The following YARS1 variants were observed in gnomAD, a reference collection of about 807,000 sequenced individuals.
The protein encoded by YARS1 is tyrosyl-tRNA synthetase 1, also known as tyrosine--tRNA ligase, cytoplasmic.
In YARS1, 36 loss-of-function variants were observed where a neutral mutation model predicts 62.2. The ratio of observed to expected loss-of-function variants is 0.58; its 90% confidence interval spans 0.44 to 0.76. YARS1 has a LOEUF of 0.76. Ranked by LOEUF, YARS1 falls within the 30% of genes least tolerant of loss-of-function variation. The pLI is 0.00. For synonymous variants in YARS1, 234 were observed against 244.9 expected, an observed-to-expected ratio of 0.96 and a Z score of 0.42; for missense variants, 524 against 639.8, an observed-to-expected ratio of 0.82 and a Z score of 1.95.
In YARS1 at chr1:32,810,938, A is replaced by G. The variant is rs1240096439; in HGVS notation, c.177T>C (p.Ile59=). ...CACACCCTGCCTTTAAGAAGTCTGC[A>G]ATCTTTGACATGGGCACAAAGTAAG... The part of the protein sequence containing the change: ...HVAYFVPMSK[I]ADFLKAGCEV... The change falls in exon 2 of 13, where the codon ATT becomes ATC. Residue 59 remains isoleucine, a synonymous_variant. Coordinates refer to ENST00000373477, the MANE Select transcript of YARS1 (RefSeq NM_003680.4). 2 of 1,614,124 alleles carry G rather than the reference A, an allele frequency of 1.2e-6. No homozygotes were observed. The highest frequency in any genetic ancestry group is 8.5e-7 in the Non-Finnish European group (1 of 1,180,020).
chr1:32,798,884 G>A (rs1653689467), intron 4 of YARS1, among the ~76,000 whole-genome samples: 1 of 152,106 alleles, frequency 6.6e-6, no homozygotes. Flanking sequence ...TGACATGCCA[G>A]GCCTGCTGCC....
intron 4 of YARS1, among the ~76,000 whole-genome samples, chr1:32,804,266 A>G (rs2148613531): frequency 6.6e-6 from 1 of 152,340 alleles, no homozygotes; most frequent in Non-Finnish European, 1.5e-5. Flanking sequence ...CTCCTCCCAG[A>G]CGGGGTGGCC....
At chr1:32,795,095 G>A (rs1447989159) in intron 5 of YARS1, among the ~76,000 whole-genome samples, 1 of 151,364 alleles carries the variant, frequency 6.6e-6, no homozygotes, top group Admixed American at 6.6e-5. Context: ...CAAGGTCGGA[G>A]GATCATGAGG....
intron 4 of YARS1, among the ~76,000 whole-genome samples, chr1:32,800,546 T>C (rs2148611674): frequency 1.3e-5 from 2 of 152,160 alleles, no homozygotes; most frequent in Admixed American, 1.3e-4. Flanking sequence ...ATTTTCATCC[T>C]GCCTTCACAA....
At chr1:32,804,767 G>A (rs1196905623) in intron 4 of YARS1, among the ~76,000 whole-genome samples, 1 of 151,624 alleles carries the variant, frequency 6.6e-6, no homozygotes, top group Admixed American at 6.6e-5. Context: ...CCGGGCAGAG[G>A]GGCTCCTCAC....
At chr1:32,810,844 T>C in intron 2 of YARS1, 67 bp downstream of exon 2, 1 of 1,614,114 alleles carries the variant, frequency 6.2e-7, no homozygotes, top group Non-Finnish European at 8.5e-7. Flanking sequence ...CCCCACCCTG[T>C]CCTTGTTAAG....
chr1:32,794,291 A>G (rs1653503418), intron 5 of YARS1, among the ~76,000 whole-genome samples: 1 of 152,180 alleles, frequency 6.6e-6, no homozygotes, highest in African/African-American at 2.4e-5. Flanking sequence ...CGGATGTTGC[A>G]GTGAGCCGAG....
intron 4 of YARS1, among the ~76,000 whole-genome samples, chr1:32,805,936 T>C (rs1457446831): frequency 1.3e-5 from 2 of 152,204 alleles, no homozygotes; most frequent in African/African-American, 4.8e-5. Context: ...CACTCCAGCC[T>C]GGGCGACACA....
chr1:32,816,973 G>A, intron 1 of YARS1: 1 of 628,588 alleles, frequency 1.6e-6, no homozygotes, highest in Non-Finnish European at 2.8e-6. Flanking sequence ...AAGACAACTG[G>A]ACGCAAGAGG....
intron 4 of YARS1, among the ~76,000 whole-genome samples, chr1:32,799,031 C>G (rs1653693698): frequency 6.6e-6 from 1 of 152,096 alleles, no homozygotes; most frequent in African/African-American, 2.4e-5. Flanking sequence ...ATATAAGGAA[C>G]AGTGTTGACA....
intron 5 of YARS1, among the ~76,000 whole-genome samples, chr1:32,796,996 ATATATATATATATATATATAT>A (rs1220093262): frequency 2.3e-3 from 5 of 2,144 alleles, no homozygotes; most frequent in Non-Finnish European, 2.3e-3. Flanking sequence ...AAAAAAAAAA[ATATATATATATATATATATAT>A]ATATATATAT....
intron 8 of YARS1, 39 bp downstream of exon 8, chr1:32,786,323 C>T (rs976861507): frequency 3.1e-6 from 5 of 1,595,982 alleles, no homozygotes; most frequent in East Asian, 2.2e-5. Flanking sequence ...TAACAAAATA[C>T]AGATCTTCAT....
At chr1:32,804,220 C>T (rs1294495551) in intron 4 of YARS1, among the ~76,000 whole-genome samples, 3 of 152,272 alleles carry the variant, frequency 2.0e-5, no homozygotes, top group Admixed American at 6.5e-5. Context: ...AAACCGCCAT[C>T]GTCATCATGG....
intron 3 of YARS1, among the ~76,000 whole-genome samples, chr1:32,806,931 T>C (rs1332960293): frequency 1.3e-5 from 2 of 152,162 alleles, no homozygotes; most frequent in Non-Finnish European, 2.9e-5. Context: ...AACCTGCACA[T>C]GCACCCCTTG....
intron 3 of YARS1, among the ~76,000 whole-genome samples, chr1:32,807,503 C>A (rs1638490537): frequency 6.6e-6 from 1 of 151,782 alleles, no homozygotes; most frequent in Non-Finnish European, 1.5e-5. Context: ...GTCACCTGGG[C>A]TGGAACACAG....
chr1:32,796,999 TATATATATATATA>T (rs1653618670), intron 5 of YARS1, among the ~76,000 whole-genome samples: 1 of 7,358 alleles, frequency 1.4e-4, no homozygotes, highest in Non-Finnish European at 2.0e-4. Context: ...AAAAAAAATA[TATATATATATATA>T]TATATATATA....
intron 6 of YARS1, among the ~76,000 whole-genome samples, chr1:32,787,980 C>A (rs910853169): frequency 6.6e-6 from 1 of 151,946 alleles, no homozygotes; most frequent in Non-Finnish European, 1.5e-5. Context: ...TGTGGTTGTA[C>A]GCGCCTGTGG....
intron 1 of YARS1, among the ~76,000 whole-genome samples, chr1:32,812,742 GC>G (rs1638612257): frequency 6.6e-6 from 1 of 152,172 alleles, no homozygotes; most frequent in Non-Finnish European, 1.5e-5. Context: ...GGAGGCCAAG[GC>G]GGGCAGATCA....
rs1557442867 is a variant in YARS1, at chr1:32,776,041, G to C, written c.1527C>G (p.Asn509Lys). The change falls in exon 13 of 13, where the codon AAC becomes AAG. Residue 509 changes from asparagine to lysine, a missense_variant. Coordinates refer to ENST00000373477, the MANE Select transcript of YARS1 (RefSeq NM_003680.4). The surrounding 1 kb of genome is among the most constrained non-coding windows in gnomAD (Gnocchi z 4.0). ...EECIAQWKQT[N>K]FMTKLGSISC... is the part of the protein sequence containing the mutation. Reference sequence around the variant, plus strand: ...AAATGGAGCCCAGCTTGGTCATGAAGTTGGTTTGCTTCCACTGTGCGATGC... The same window carrying C: ...AAATGGAGCCCAGCTTGGTCATGAACTTGGTTTGCTTCCACTGTGCGATGC... 6.2e-7 allele frequency: 1 copy of C among 1,614,050 alleles called. No homozygotes were observed. Among genetic ancestry groups the C allele is most frequent in the African/African-American group, 1.3e-5 (1 of 74,910 alleles).
Sources: gnomAD v4.1 joint callset for allele counts (sites outside exome capture counted in the v4.1 genomes callset) on GRCh38, gnomAD v4.1.1 for gene constraint, Gnocchi (gnomAD v3.1) non-coding constraint, MANE v1.5 for transcripts, NCBI Gene and HGNC (gene_info 2026-07-23, HGNC 2026-07-21) for gene names.